RSU1: variants seen among roughly 807,000 people sequenced by gnomAD.
RSU1 encodes the protein Ras suppressor protein 1, also known as rsu-1.
RSU1 carries 26 observed loss-of-function variants against 31.1 expected under a neutral mutation model. That is an observed-to-expected ratio of 0.84 (90% CI 0.61 to 1.16). The LOEUF (loss-of-function observed/expected upper bound fraction) is 1.16, where lower values mean the gene tolerates loss of function less well. Ranked by LOEUF, RSU1 falls within the 50% of genes most tolerant of loss-of-function variation. The pLI is 0.00. For synonymous variants in RSU1, 164 were observed against 136.3 expected, an observed-to-expected ratio of 1.20 and a Z score of -1.41; for missense variants, 320 against 339.1, an observed-to-expected ratio of 0.94 and a Z score of 0.44.
chr10:16,644,416 T>C lies in RSU1; in HGVS notation c.731+50607A>G, dbSNP rs149506041. 2.3e-3 allele frequency among the ~76,000 whole-genome samples: 345 copies of C among 152,372 alleles called. 1 individual carries two copies. Among genetic ancestry groups the C allele is most frequent in the African/African-American group, 8.0e-3 (333 of 41,590 alleles). ...TGATTACACATTACGTGAGTGGCAT[T>C]TCCCACGTGCCAGATACCTGGCTGT... is the stretch of plus-strand genomic sequence containing the variant. On this transcript the variant is annotated intron_variant, in intron 8 of 8. Transcript: ENST00000345264.
At chr10:16,696,903 G>C (rs1835688069) in intron 7 of RSU1, among the ~76,000 whole-genome samples, 1 of 151,934 alleles carries the variant, frequency 6.6e-6, no homozygotes, top group African/African-American at 2.4e-5. Context: ...CTGACCCCTT[G>C]TTTACATTTC....
intron 4 of RSU1, among the ~76,000 whole-genome samples, chr10:16,759,179 T>C (rs1359914219): frequency 6.6e-6 from 1 of 152,090 alleles, no homozygotes; most frequent in Non-Finnish European, 1.5e-5. Flanking sequence ...CACAGTGACC[T>C]ACTCACACTT....
intron 8 of RSU1, among the ~76,000 whole-genome samples, chr10:16,621,969 A>G (rs966206454): frequency 2.6e-5 from 4 of 152,212 alleles, no homozygotes; most frequent in Non-Finnish European, 5.9e-5. Context: ...AACTTATTAA[A>G]GGAAAAACAT....
intron 4 of RSU1, among the ~76,000 whole-genome samples, chr10:16,757,065 C>G (rs1233631338): frequency 7.2e-6 from 1 of 139,110 alleles, no homozygotes; most frequent in Non-Finnish European, 1.5e-5. Context: ...TGTTTGTACA[C>G]GGTATGTGTG....
At chr10:16,694,577 G>GT (rs957019744) in intron 8 of RSU1, among the ~76,000 whole-genome samples, 25 of 151,912 alleles carry the variant, frequency 1.6e-4, no homozygotes, top group Admixed American at 5.2e-4. Flanking sequence ...GTTTTTTCTT[G>GT]TTTTTTTCTT....
At chr10:16,624,188 A>C (rs1233946053) in intron 8 of RSU1, among the ~76,000 whole-genome samples, 3 of 150,734 alleles carry the variant, frequency 2.0e-5, no homozygotes, top group African/African-American at 7.4e-5. Context: ...AGGTCCCTGC[A>C]GGAGGCCAAG....
At chr10:16,674,888 C>G (rs1054495163) in intron 8 of RSU1, among the ~76,000 whole-genome samples, 1 of 152,010 alleles carries the variant, frequency 6.6e-6, no homozygotes, top group Non-Finnish European at 1.5e-5. Context: ...CAAAGATTAG[C>G]CAGGCGTGGT....
At chr10:16,723,815 G>A (rs1415867393) in intron 7 of RSU1, among the ~76,000 whole-genome samples, 1 of 152,024 alleles carries the variant, frequency 6.6e-6, no homozygotes, top group East Asian at 1.9e-4. Flanking sequence ...GGCCCCAAAA[G>A]GAAACTCAGT....
chr10:16,645,537 G>A (rs1043177334), intron 8 of RSU1, among the ~76,000 whole-genome samples: 21 of 152,002 alleles, frequency 1.4e-4, no homozygotes, highest in Non-Finnish European at 2.5e-4. Context: ...GGCTGGGTGC[G>A]GTGGCTCACG....
chr10:16,757,423 T>A (rs184949143), intron 4 of RSU1, among the ~76,000 whole-genome samples: 1 of 151,914 alleles, frequency 6.6e-6, no homozygotes. Context: ...GAAACGCGGG[T>A]TCCCCCTGTC....
chr10:16,692,351 A>T (rs888231976), intron 8 of RSU1, among the ~76,000 whole-genome samples: 6 of 152,340 alleles, frequency 3.9e-5, no homozygotes, highest in African/African-American at 1.4e-4. Flanking sequence ...CTCACAATTT[A>T]ATCTTTTAAA....
Position 16,785,002 on chromosome 10 carries a change from G to C in RSU1, c.110-2918C>G, listed in dbSNP as rs1027489151. ...TCTATCACTATACAGTACAAAGGTG[G>C]TGTGATGGTTAATACTGAGTGTCAA... On this transcript the variant is annotated intron_variant, in intron 2 of 8. Transcript: ENST00000345264. Among the ~76,000 whole-genome samples the C allele has an allele frequency of 3.3e-5, 5 of 152,266 alleles. No individual in the cohort carries two copies. The East Asian group carries it at 9.6e-4, about 29-fold the overall frequency.
chr10:16,609,838 C>CTGTT (rs1167323507), intron 8 of RSU1, among the ~76,000 whole-genome samples: 1 of 152,218 alleles, frequency 6.6e-6, no homozygotes, highest in African/African-American at 2.4e-5. Flanking sequence ...TTCTCATAAG[C>CTGTT]TGTTTCTAAA....
intron 7 of RSU1, among the ~76,000 whole-genome samples, chr10:16,749,016 GT>G (rs1371590923): frequency 6.6e-6 from 1 of 152,088 alleles, no homozygotes; most frequent in Non-Finnish European, 1.5e-5. Flanking sequence ...ACAAACAGTT[GT>G]TGAGTAAGTG....
intron 7 of RSU1, among the ~76,000 whole-genome samples, chr10:16,750,928 C>T (rs183941018): frequency 9.3e-5 from 14 of 151,132 alleles, no homozygotes; most frequent in Non-Finnish European, 1.6e-4. Flanking sequence ...TGCAGTGGCA[C>T]GATCACTGCT....
intron 8 of RSU1, among the ~76,000 whole-genome samples, chr10:16,661,038 T>A (rs1834879708): frequency 6.6e-6 from 1 of 152,176 alleles, no homozygotes; most frequent in South Asian, 2.1e-4. Context: ...TTTCTTGTTA[T>A]TCTATTATTT....
chr10:16,685,047 G>C (rs1835414089), intron 8 of RSU1, among the ~76,000 whole-genome samples: 1 of 152,018 alleles, frequency 6.6e-6, no homozygotes, highest in African/African-American at 2.4e-5. Flanking sequence ...CACGGGTTTG[G>C]GACCAGTCTG....
chr10:16,617,535 C>T (rs1053239283), intron 8 of RSU1, among the ~76,000 whole-genome samples: 24 of 152,168 alleles, frequency 1.6e-4, no homozygotes, highest in Non-Finnish European at 3.2e-4. Flanking sequence ...CCAAGACAAT[C>T]CTAAGCAAAA....
chr10:16,675,200 C>CAAAAAA (rs4012468), intron 8 of RSU1, among the ~76,000 whole-genome samples: 2 of 95,382 alleles, frequency 2.1e-5, no homozygotes, highest in South Asian at 3.7e-4. Flanking sequence ...GACTCTGTCT[C>CAAAAAA]AAAAAAAAAA....
Sources: gnomAD v4.1 joint callset for allele counts (sites outside exome capture counted in the v4.1 genomes callset) on GRCh38, gnomAD v4.1.1 for gene constraint, MANE v1.5 for transcripts, NCBI Gene and HGNC (gene_info 2026-07-23, HGNC 2026-07-21) for gene names.